RNF8: variants seen among roughly 807,000 people sequenced by gnomAD.
RNF8 encodes the protein E3 ubiquitin-protein ligase RNF8.
RNF8 carries 8 observed loss-of-function variants against 59.3 expected under a neutral mutation model. That is an observed-to-expected ratio of 0.13 (90% CI 0.08 to 0.24). RNF8 has a LOEUF of 0.24. Ranked by LOEUF, RNF8 falls within the 10% of genes least tolerant of loss-of-function variation. The pLI is 1.00. For missense variants in RNF8, 406 were observed against 572.6 expected (o/e 0.71, Z 2.97); for synonymous variants, 162 against 200.0 (o/e 0.81, Z 1.60).
At chr6:37,364,199 A>AT (rs56077615) in intron 2 of RNF8, among the ~76,000 whole-genome samples, 1 of 150,716 alleles carries the variant, frequency 6.6e-6, no homozygotes, top group Non-Finnish European at 1.5e-5. Context: ...AAAAAAAAAA[A>AT]TTGAGTGAAA....
At chr6:37,359,110 A>G in intron 1 of RNF8, 1 of 411,324 alleles carries the variant, frequency 2.4e-6, no homozygotes, top group South Asian at 1.8e-5. Context: ...ACAAAAAAAA[A>G]TTAACAAACA....
rs376743983 is a variant in RNF8 at position 37,380,602 on chromosome 6, C to T, written c.1237-548C>T. Among the ~76,000 whole-genome samples the T allele has an allele frequency of 1.0e-4, 15 of 147,878 alleles. No homozygotes were observed. The East Asian group carries it at 1.3e-3, about 12-fold the overall frequency. ...AGGAGAATGGCGTGAACCCAGGAGG[C>T]GGAGTCTGCAGTGAGCCGAGATCGC... is the stretch of plus-strand genomic sequence containing the variant. On this transcript the variant is annotated intron_variant, in intron 6 of 7. Coordinates refer to ENST00000373479, the MANE Select transcript of RNF8 (RefSeq NM_003958.4).
In RNF8 at chr6:37,363,876, C is replaced by T. The variant is rs73423685; in HGVS notation, c.240+3302C>T. 8.6e-3 allele frequency among the ~76,000 whole-genome samples: 1,302 copies of T among 152,230 alleles called. 29 individuals are homozygous for T. Among genetic ancestry groups the T allele is most frequent in the African/African-American group, 0.03 (1,234 of 41,540 alleles). On this transcript the variant is annotated intron_variant, in intron 2 of 7. Coordinates refer to ENST00000373479, the MANE Select transcript of RNF8 (RefSeq NM_003958.4). The stretch of plus-strand genomic sequence containing the variant: ...TATATCTAATAACATGGATAAACCT[C>T]ACATAATATTGAGTGAAAGAAGGCT...
At chr6:37,383,849 G>A (rs1770377829) in intron 7 of RNF8, among the ~76,000 whole-genome samples, 1 of 152,116 alleles carries the variant, frequency 6.6e-6, no homozygotes. Context: ...GAATGGAAAA[G>A]TTTTTTTGAA....
Position 37,354,024 on chromosome 6 carries a change from C to A in RNF8, c.-141C>A. ...CTGGCCGAGGGCGGGCGAGCGGAGC[C>A]TGCTTTCGCAGCGATCGCGAGCGTG... On this transcript the variant is annotated 5_prime_UTR_variant, in exon 1 of 8. It adds an upstream start codon to the 5' untranslated region. Coordinates refer to ENST00000373479, the MANE Select transcript of RNF8 (RefSeq NM_003958.4). 2 of 763,162 alleles carry A rather than the reference C, an allele frequency of 2.6e-6. No homozygotes were observed. Among genetic ancestry groups the A allele is most frequent in the Non-Finnish European group, 2.2e-6 (1 of 460,046 alleles). The allele number at this position is 763,162 out of a possible 1,614,324, so 47.3% of individuals were successfully genotyped here.
chr6:37,388,935 T>TA (rs10667248), intron 7 of RNF8, among the ~76,000 whole-genome samples: 246 of 139,792 alleles, frequency 1.8e-3, no homozygotes, highest in Middle Eastern at 3.6e-3. Flanking sequence ...CCTATCTCTT[T>TA]AAAAAAAAAA....
At chr6:37,369,955 C>T (rs982362582) in intron 3 of RNF8, 1 of 152,212 alleles carries the variant, frequency 6.6e-6, no homozygotes, top group Non-Finnish European at 1.5e-5. Flanking sequence ...AGATGACAAG[C>T]TCTTGCACAA....
In RNF8 at chr6:37,392,354, A is replaced by G. The variant is rs1316443116; in HGVS notation, c.*1596A>G. 1 of 398,014 alleles carries G rather than the reference A, an allele frequency of 2.5e-6. No individual in the cohort carries two copies. Among genetic ancestry groups the G allele is most frequent in the East Asian group, 3.6e-5 (1 of 28,072 alleles). 24.7% of individuals were successfully genotyped at this position (398,014 alleles called of 1,614,324 possible). On this transcript the variant is annotated 3_prime_UTR_variant, in exon 8 of 8. Coordinates refer to ENST00000373479, the MANE Select transcript of RNF8 (RefSeq NM_003958.4). ...GTAATTCATTTTTAAGAGAGTACAGACATACACTTTTTGAGTAGGCAATAT... is the reference window on the plus strand; with the variant it reads ...GTAATTCATTTTTAAGAGAGTACAGGCATACACTTTTTGAGTAGGCAATAT...
chr6:37,393,783 TTC>T lies in RNF8; in HGVS notation c.*3029_*3030del, dbSNP rs890451532. On this transcript the variant is annotated 3_prime_UTR_variant, in exon 8 of 8. Coordinates refer to ENST00000373479, the MANE Select transcript of RNF8 (RefSeq NM_003958.4). ...GCATAGCTGGATACCCATCATCTGT[TTC>T]TCTGATTGGAAGCTGCTGTTGTACA... 1.3e-5 allele frequency: 2 copies of T among 152,236 alleles called. No individual in the cohort carries two copies. The highest frequency in any genetic ancestry group is 2.9e-5 in the Non-Finnish European group (2 of 68,048). 9.4% of individuals were successfully genotyped at this position (152,236 alleles called of 1,614,324 possible).
intron 4 of RNF8, 149 bp from the exon 5 acceptor site, chr6:37,374,471 T>C: frequency 3.3e-6 from 2 of 602,478 alleles, no homozygotes; most frequent in Non-Finnish European, 5.9e-6. Flanking sequence ...GATAGCCCAA[T>C]GGAATAAAGG....
intron 7 of RNF8, among the ~76,000 whole-genome samples, chr6:37,382,451 C>G (rs1770310531): frequency 6.6e-6 from 1 of 152,196 alleles, no homozygotes; most frequent in South Asian, 2.1e-4. Flanking sequence ...ATAATATTCA[C>G]ATGATGTCAA....
chr6:37,393,651 C>T lies in RNF8; in HGVS notation c.*2893C>T, dbSNP rs1177523186. The T allele has an allele frequency of 6.6e-6, 1 of 152,196 alleles. No individual in the cohort carries two copies. Among genetic ancestry groups the T allele is most frequent in the East Asian group, 1.9e-4 (1 of 5,188 alleles). The allele number at this position is 152,196 out of a possible 1,614,324, so 9.4% of individuals were successfully genotyped here. On this transcript the variant is annotated 3_prime_UTR_variant, in exon 8 of 8. Transcript: ENST00000373479. Reference sequence around the variant, plus strand: ...GCACTTTGCAGTGAATGGCAGGTGTCCCATATCTGGTTATGTTAACCTAGA... The same window carrying T: ...GCACTTTGCAGTGAATGGCAGGTGTTCCATATCTGGTTATGTTAACCTAGA...
chr6:37,374,542 G>A, intron 4 of RNF8, 78 bp from the exon 5 acceptor site: 1 of 1,031,406 alleles, frequency 9.7e-7, no homozygotes, highest in Non-Finnish European at 1.5e-6. Flanking sequence ...ACTAGAGGGA[G>A]AGAACAGGCA....
chr6:37,355,775 G>A (rs1357930462), intron 1 of RNF8, among the ~76,000 whole-genome samples: 1 of 152,162 alleles, frequency 6.6e-6, no homozygotes, highest in East Asian at 1.9e-4. Context: ...CATTCTTTTA[G>A]CTTGAGCACT....
chr6:37,370,825 T>C (rs1431061944), intron 3 of RNF8, among the ~76,000 whole-genome samples: 1 of 152,088 alleles, frequency 6.6e-6, no homozygotes, highest in Non-Finnish European at 1.5e-5. Context: ...AGATGTTTCC[T>C]GCACACGATA....
At chr6:37,387,664 C>T (rs764264482) in intron 7 of RNF8, among the ~76,000 whole-genome samples, 7 of 152,180 alleles carry the variant, frequency 4.6e-5, no homozygotes, top group South Asian at 2.1e-4. Context: ...TTTTTCTTAG[C>T]ACCTACTAAA....
chr6:37,354,412 G>T (rs768586683), intron 1 of RNF8, 137 bp downstream of exon 1: 2 of 697,462 alleles, frequency 2.9e-6, no homozygotes, highest in East Asian at 2.9e-5. Context: ...CGAAGTGTCT[G>T]TGGGGGGGGT....
chr6:37,392,407 A>G lies in RNF8; in HGVS notation c.*1649A>G, dbSNP rs948412684. The G allele has an allele frequency of 1.0e-5, 4 of 398,490 alleles. No homozygotes were observed. Among genetic ancestry groups the G allele is most frequent in the African/African-American group, 6.2e-5 (3 of 48,650 alleles). The allele number at this position is 398,490 out of a possible 1,614,324, so 24.7% of individuals were successfully genotyped here. ...TCACATAGTTTGAAATTAAAGGTAC[A>G]AAATGGCGTAGAATGAAATGCCTCT... On this transcript the variant is annotated 3_prime_UTR_variant, in exon 8 of 8. Transcript: ENST00000373479.
chr6:37,385,465 A>G (rs997853479), intron 7 of RNF8, among the ~76,000 whole-genome samples: 3 of 151,556 alleles, frequency 2.0e-5, no homozygotes, highest in Admixed American at 2.0e-4. Flanking sequence ...CATCTCTACT[A>G]AAAATACAAA....
Sources: allele counts gnomAD v4.1 joint callset (sites outside exome capture counted in the v4.1 genomes callset), GRCh38; gene constraint gnomAD v4.1.1; transcripts MANE v1.5; gene names NCBI Gene and HGNC (gene_info 2026-07-23, HGNC 2026-07-21).